Variants in SUFU observed in about 807,000 individuals in gnomAD.
SUFU encodes SUFU negative regulator of hedgehog signaling.
SUFU carries 7 observed loss-of-function variants against 58.9 expected under a neutral mutation model. That is an observed-to-expected ratio of 0.12 (90% CI 0.07 to 0.22). The LOEUF (loss-of-function observed/expected upper bound fraction) is 0.22, where lower values mean the gene tolerates loss of function less well. Among genes scored for constraint, SUFU ranks in the 10% least tolerant of loss-of-function variants. The probability of loss-of-function intolerance (pLI) is 1.00; values close to 1 mark genes in which losing one functional copy is unlikely to be tolerated. For synonymous variants in SUFU, 232 were observed against 254.8 expected (o/e 0.91, Z 0.85); for missense variants, 451 against 641.3 (o/e 0.70, Z 3.20).
At position 102,594,017 on chromosome 10, in the gene SUFU, T is replaced by G; in HGVS notation, c.708T>G (p.Thr236=). 1.2e-6 allele frequency: 2 copies of G among 1,614,170 alleles called. No homozygotes were observed. Among genetic ancestry groups the G allele is most frequent in the South Asian group, 2.2e-5 (2 of 91,086 alleles). ...VPIAGGPWLI[T]DMRRGETIFE... ...GTGCTGGCGGCCCCTGGCTGATAACTGACATGCGGAGGGGAGAGACCATAT... is the reference window on the plus strand; with the variant it reads ...GTGCTGGCGGCCCCTGGCTGATAACGGACATGCGGAGGGGAGAGACCATAT... Residue 236 remains threonine (T), a synonymous_variant, in exon 6 of 12, where the codon ACT becomes ACG. Coordinates refer to ENST00000369902, the MANE Select transcript of SUFU (RefSeq NM_016169.4).
rs1417422682 is a variant in SUFU, at chr10:102,628,922, G to A, written c.1366-1144G>A. On this transcript the variant is annotated intron_variant, in intron 11 of 11. Transcript: ENST00000369902. The surrounding 1 kb of genome is among the most constrained non-coding windows in gnomAD (Gnocchi z 4.5). ...TGTAATCCCAGCACTTTGGGAGGCC[G>A]AGGCAGGTGGATCACCTGAGGTCGG... Among the ~76,000 whole-genome samples, 1 of 152,156 alleles carries A rather than the reference G, an allele frequency of 6.6e-6. No homozygotes were observed. The highest frequency in any genetic ancestry group is 1.9e-4 in the East Asian group (1 of 5,192).
chr10:102,576,669 A>C (rs34377578), intron 3 of SUFU, among the ~76,000 whole-genome samples: 27,926 of 152,168 alleles, frequency 0.18, 3,031 homozygotes, highest in Middle Eastern at 0.26. Flanking sequence ...TGGTCCTCCA[A>C]AGTGACCATA....
At chr10:102,585,890 T>C (rs1404620847) in intron 3 of SUFU, among the ~76,000 whole-genome samples, 1 of 83,500 alleles carries the variant, frequency 1.2e-5, no homozygotes, top group Non-Finnish European at 3.1e-5. Flanking sequence ...TTGTATATCT[T>C]TTTTTTTTTT....
intron 2 of SUFU, among the ~76,000 whole-genome samples, chr10:102,531,507 A>C (rs1034581664): frequency 6.6e-6 from 1 of 151,664 alleles, no homozygotes; most frequent in South Asian, 2.1e-4. Context: ...TTCACTGAGC[A>C]CTCCTGTGCC....
Position 102,632,040 on chromosome 10 carries a change from G to A in SUFU, c.*1885G>A, listed in dbSNP as rs1423554587. 8.6e-6 allele frequency: 2 copies of A among 233,132 alleles called. No individual in the cohort carries two copies. Among genetic ancestry groups the A allele is most frequent in the Non-Finnish European group, 1.7e-5 (2 of 118,116 alleles). 14.4% of individuals were successfully genotyped at this position (233,132 alleles called of 1,614,324 possible). ...ACAGGCAGAGAGGTGCCATCAGTTC[G>A]CCTCCATTCCTTGCCACCATGACCA... is the stretch of plus-strand genomic sequence containing the variant. On this transcript the variant is annotated 3_prime_UTR_variant, in exon 12 of 12. Coordinates refer to ENST00000369902, the MANE Select transcript of SUFU (RefSeq NM_016169.4).
intron 2 of SUFU, among the ~76,000 whole-genome samples, chr10:102,531,039 A>C (rs2062671627): frequency 6.7e-6 from 1 of 148,486 alleles, no homozygotes; most frequent in Admixed American, 6.8e-5. Context: ...GAAGTTTGAG[A>C]CCAGTCCAGG....
chr10:102,561,709 CTCAGACCGGAG>C (rs1468537248), intron 3 of SUFU, among the ~76,000 whole-genome samples: 1 of 126,504 alleles, frequency 7.9e-6, no homozygotes, highest in African/African-American at 3.1e-5. Context: ...CACTCTGTTG[CTCAGACCGGAG>C]TCCAGTGGTA....
rs577785504 is a variant in SUFU, at chr10:102,629,955, G to A, written c.1366-111G>A. ...TTGAGAATGAAGCCACGCCTCCCGC[G>A]GCCTGTCCTATCCCTAGCTCCCCGG... On this transcript the variant is annotated intron_variant, in intron 11 of 11. Transcript: ENST00000369902. This position sits in a 1 kb window ranked among gnomAD's most constrained non-coding sequence, Gnocchi z 4.7. 8.0e-6 allele frequency: 8 copies of A among 996,836 alleles called. No individual in the cohort carries two copies. Among genetic ancestry groups the A allele is most frequent in the South Asian group, 3.8e-5 (3 of 78,476 alleles). The allele number at this position is 996,836 out of a possible 1,614,324, so 61.7% of individuals were successfully genotyped here.
At chr10:102,572,993 A>T in intron 3 of SUFU, 1 of 1,328,034 alleles carries the variant, frequency 7.5e-7, no homozygotes, top group Admixed American at 1.7e-5. Context: ...GTCAGTGGAA[A>T]CTTGATGATA....
chr10:102,588,341 C>T (rs533096250), intron 3 of SUFU, among the ~76,000 whole-genome samples: 3 of 148,996 alleles, frequency 2.0e-5, no homozygotes, highest in Non-Finnish European at 3.0e-5. Context: ...GGCAGTGAGC[C>T]GAGATCGTGC....
At chr10:102,551,591 T>G (rs1447791232) in intron 3 of SUFU, among the ~76,000 whole-genome samples, 1 of 148,490 alleles carries the variant, frequency 6.7e-6, no homozygotes, top group Non-Finnish European at 1.5e-5. Flanking sequence ...TGAGCCAAGA[T>G]CGCACCACTG....
At chr10:102,589,534 C>T (rs1239337472) in intron 3 of SUFU, among the ~76,000 whole-genome samples, 1 of 143,894 alleles carries the variant, frequency 6.9e-6, no homozygotes, top group East Asian at 2.1e-4. Context: ...CAACCTCTGC[C>T]TCCCAGATTC....
At position 102,572,986 on chromosome 10, in the gene SUFU, A is replaced by G; in HGVS notation, c.455-19596A>G. 3 of 1,349,566 alleles carry G rather than the reference A, an allele frequency of 2.2e-6. No individual in the cohort carries two copies. The South Asian group carries it at 3.5e-5, about 16-fold the overall frequency. The allele number at this position is 1,349,566 out of a possible 1,614,324, so 83.6% of individuals were successfully genotyped here. ...CTTCTTCATGGCAGACTCAGTGGTC[A>G]GTGGAAACTTGATGATAGCATAGTG... On this transcript the variant is annotated intron_variant, in intron 3 of 11. Transcript: ENST00000369902.
chr10:102,564,379 C>T (rs2063067407), intron 3 of SUFU, among the ~76,000 whole-genome samples: 1 of 152,194 alleles, frequency 6.6e-6, no homozygotes, highest in South Asian at 2.1e-4. Flanking sequence ...GTCACCCAAG[C>T]TGGAGTGCAG....
intron 1 of SUFU, among the ~76,000 whole-genome samples, chr10:102,507,319 G>C (rs2062339628): frequency 6.6e-6 from 1 of 152,170 alleles, no homozygotes; most frequent in Non-Finnish European, 1.5e-5. Context: ...AGGCTGTAGC[G>C]GGGCAGGTTT....
chr10:102,568,923 C>CAT (rs1166324733), intron 3 of SUFU, among the ~76,000 whole-genome samples: 3 of 39,094 alleles, frequency 7.7e-5, no homozygotes, highest in African/African-American at 4.0e-4. Context: ...TATATATACA[C>CAT]ATATATATAT....
chr10:102,554,005 A>G (rs1352515557), intron 3 of SUFU, among the ~76,000 whole-genome samples: 1 of 152,172 alleles, frequency 6.6e-6, no homozygotes, highest in Non-Finnish European at 1.5e-5. Context: ...AGGTGGGAGG[A>G]TTACGCATAA....
intron 2 of SUFU, among the ~76,000 whole-genome samples, chr10:102,513,728 A>G (rs558708861): frequency 2.0e-5 from 3 of 152,206 alleles, no homozygotes; most frequent in Non-Finnish European, 2.9e-5. Context: ...CTGACGCGGT[A>G]CCAACAACGC....
chr10:102,566,764 CAAAAAAAAA>C (rs1213985884), intron 3 of SUFU, among the ~76,000 whole-genome samples: 1 of 73,564 alleles, frequency 1.4e-5, no homozygotes, highest in Non-Finnish European at 2.6e-5. Flanking sequence ...GACTCTGTCT[CAAAAAAAAA>C]AAAAAAAAAA....
Sources: allele counts gnomAD v4.1 joint callset (sites outside exome capture counted in the v4.1 genomes callset), GRCh38; gene constraint gnomAD v4.1.1; non-coding constraint Gnocchi (gnomAD v3.1); transcripts MANE v1.5; gene names NCBI Gene and HGNC (gene_info 2026-07-23, HGNC 2026-07-21).